TUBGCP6: variants seen among roughly 807,000 people sequenced by gnomAD.
TUBGCP6 encodes the protein tubulin gamma complex component 6.
TUBGCP6 carries 161 observed loss-of-function variants against 175.8 expected under a neutral mutation model. That is an observed-to-expected ratio of 0.92 (90% CI 0.81 to 1.04). The LOEUF (loss-of-function observed/expected upper bound fraction) is 1.04. Among genes scored for constraint, TUBGCP6 ranks in the 50% least tolerant of loss-of-function variants. The pLI, the probability that TUBGCP6 is intolerant of heterozygous loss-of-function variation, is 0.00. For missense variants in TUBGCP6, 2,572 were observed against 2,433.0 expected (o/e 1.06, Z -1.20); for synonymous variants, 1,173 against 1,030.5 (o/e 1.14, Z -2.65).
At chr22:50,237,469 A>G (rs1172094820) in intron 2 of TUBGCP6, among the ~76,000 whole-genome samples, 4 of 152,238 alleles carry the variant, frequency 2.6e-5, no homozygotes, top group Admixed American at 2.0e-4. Flanking sequence ...ATCAGGGAGT[A>G]GAGGGGCCCA....
Position 50,218,683 on chromosome 22 carries a change from C to T in TUBGCP6, c.4821+20G>A, listed in dbSNP as rs11912397. The T allele has an allele frequency of 0.14, 220,973 of 1,613,156 alleles. 16,152 individuals carry two copies. Among genetic ancestry groups the T allele is most frequent in the South Asian group, 0.21 (19,566 of 91,036 alleles). ...AGGCAGGCCCCTGTCCCATCCCCCG[C>T]GGCCAGGGCTGCTGCTGACCTTGTA... On this transcript the variant is annotated intron_variant, in intron 21 of 24. Coordinates refer to ENST00000248846, the MANE Select transcript of TUBGCP6 (RefSeq NM_020461.4).
At chr22:50,232,410 G>T in intron 3 of TUBGCP6, among the ~76,000 whole-genome samples, 1 of 150,944 alleles carries the variant, frequency 6.6e-6, no homozygotes, top group Non-Finnish European at 1.5e-5. Context: ...AGAAAAAAAT[G>T]AGCTGAGTGT....
chr22:50,218,952 C>G (rs148158491), intron 20 of TUBGCP6, 55 bp from the exon 21 acceptor site: 3 of 1,585,842 alleles, frequency 1.9e-6, no homozygotes, highest in African/African-American at 2.7e-5. Flanking sequence ...GCCTGGCACT[C>G]GCCGGCACCC....
At chr22:50,243,190 C>A (rs2064860919) in intron 1 of TUBGCP6, among the ~76,000 whole-genome samples, 1 of 152,172 alleles carries the variant, frequency 6.6e-6, no homozygotes. Flanking sequence ...TGGCTCACGC[C>A]TGTAATCCCA....
rs141419187 is a variant in TUBGCP6, at chr22:50,220,013, G to A, written c.4111C>T (p.Pro1371Ser). The stretch of plus-strand genomic sequence containing the variant: ...TCCTCAGTGTCCCCGCTCCTCCCAG[G>A]GCCTGTGTGGACACAAGTGGACACG... ...PGDSVSEELG[P>S]GRSGDTEDLS... The change falls in exon 17 of 25, where the codon CCT becomes TCT. Residue 1371 changes from proline to serine, a missense_variant and splice_region_variant. Coordinates refer to ENST00000248846, the MANE Select transcript of TUBGCP6 (RefSeq NM_020461.4). 6.8e-4 allele frequency: 1,101 copies of A among 1,613,482 alleles called. 3 individuals carry two copies. Among genetic ancestry groups the A allele is most frequent in the South Asian group, 1.0e-3 (92 of 90,990 alleles).
chr22:50,225,315 A>G, intron 10 of TUBGCP6, among the ~76,000 whole-genome samples: 1 of 151,930 alleles, frequency 6.6e-6, no homozygotes, highest in Non-Finnish European at 1.5e-5. Flanking sequence ...CACTGATTGT[A>G]CCACCGAGCC....
intron 2 of TUBGCP6, among the ~76,000 whole-genome samples, chr22:50,235,071 C>T (rs1388086632): frequency 4.6e-5 from 7 of 151,858 alleles, no homozygotes; most frequent in Admixed American, 4.6e-4. Context: ...GCAGTATCCA[C>T]ACCCCTGTCC....
At chr22:50,226,471 C>A in intron 7 of TUBGCP6, 93 bp from the exon 8 acceptor site, 1 of 1,204,876 alleles carries the variant, frequency 8.3e-7, no homozygotes, top group South Asian at 1.3e-5. Flanking sequence ...GCGTGGCTGT[C>A]AGTGAGGGGC....
intron 2 of TUBGCP6, among the ~76,000 whole-genome samples, chr22:50,234,201 CAGCAGCATCTACACCCA>C: frequency 6.7e-6 from 1 of 149,898 alleles, no homozygotes; most frequent in South Asian, 2.1e-4. Context: ...CGCCCGTCCA[CAGCAGCATCTACACCCA>C]GGTCCACAGC....
rs771365058 is a variant in TUBGCP6 at position 50,226,042 on chromosome 22, C to T, written c.1833+8G>A. The T allele has an allele frequency of 2.7e-5, 44 of 1,613,980 alleles. No individual in the cohort carries two copies. Among genetic ancestry groups the T allele is most frequent in the Admixed American group, 1.8e-4 (11 of 59,998 alleles). ...CCCTCTCTTCCCCACACATGAGCCC[C>T]TCCTCACCCGGGGGCAGCAGAGCTT... On this transcript the variant is annotated splice_region_variant and intron_variant, in intron 9 of 24. Transcript: ENST00000248846.
rs2064834304 is a variant in TUBGCP6, at chr22:50,241,172, G to GT, written c.742-806dup. On this transcript the variant is annotated intron_variant, in intron 1 of 24. Coordinates refer to ENST00000248846, the MANE Select transcript of TUBGCP6 (RefSeq NM_020461.4). The stretch of plus-strand genomic sequence containing the variant: ...TTATAATAATCTTCGCTCTACAATT[G>GT]TAACTTACGAGAAACCAGGCCATAC... Among the ~76,000 whole-genome samples, 5 of 152,174 alleles carry GT rather than the reference G, an allele frequency of 3.3e-5. No homozygotes were observed. In the South Asian group the frequency reaches 1.0e-3, roughly 32 times the overall value.
Position 50,222,066 on chromosome 22 carries a change from G to A in TUBGCP6, c.2446C>T (p.Gln816Ter). 3 of 1,613,842 alleles carry A rather than the reference G, an allele frequency of 1.9e-6. No individual in the cohort carries two copies. The East Asian group carries it at 6.7e-5, about 36-fold the overall frequency. The stretch of plus-strand genomic sequence containing the variant: ...CTCAAGAGGACGTCTGGCGGCTCCT[G>A]GGGCTGGTGAGCCTCAGACACTGCT... The part of the protein sequence containing the change: ...LKAVSEAHQP[Q>*]EPPDVLLSVH... Residue 816 changes from glutamine to a stop codon, truncating the protein, a stop_gained, in exon 15 of 25, where the codon CAG becomes TAG. Coordinates refer to ENST00000248846, the MANE Select transcript of TUBGCP6 (RefSeq NM_020461.4). LOFTEE classifies it high-confidence loss of function.
At chr22:50,238,888 G>A (rs2064808242) in intron 2 of TUBGCP6, among the ~76,000 whole-genome samples, 1 of 152,216 alleles carries the variant, frequency 6.6e-6, no homozygotes, top group African/African-American at 2.4e-5. Context: ...TGACACAGCA[G>A]GAAGGCCCTG....
At chr22:50,226,420 A>G (rs1569116597) in intron 7 of TUBGCP6, 42 bp from the exon 8 acceptor site, 1 of 1,483,158 alleles carries the variant, frequency 6.7e-7, no homozygotes, top group Admixed American at 2.0e-5. Flanking sequence ...GTCAACGGAG[A>G]GGTGGGTGGG....
Position 50,243,975 on chromosome 22 carries a change from G to A in TUBGCP6, c.485C>T (p.Ser162Phe). The change falls in exon 1 of 25, where the codon TCT becomes TTT. Residue 162 changes from serine (S) to phenylalanine (F), a missense_variant. Transcript: ENST00000248846. ...DLSVFEMDVQ[S>F]LISREECLCH... ...CAAACACTCTTCTCTGGAGATCAGAGACTGAACGTCCATCTCAAACACACT... is the reference window on the plus strand; with the variant it reads ...CAAACACTCTTCTCTGGAGATCAGAAACTGAACGTCCATCTCAAACACACT... 6.2e-7 allele frequency: 1 copy of A among 1,614,148 alleles called. No homozygotes were observed. Among genetic ancestry groups the A allele is most frequent in the Non-Finnish European group, 8.5e-7 (1 of 1,180,040 alleles).
rs1048616677 is a variant in TUBGCP6 at position 50,227,871 on chromosome 22, CAA to C, written c.1412+34_1412+35del. The C allele has an allele frequency of 8.3e-6, 13 of 1,561,334 alleles. No homozygotes were observed. In the African/African-American group the frequency reaches 1.8e-4, roughly 21 times the overall value. On this transcript the variant is annotated intron_variant, in intron 5 of 24. Coordinates refer to ENST00000248846, the MANE Select transcript of TUBGCP6 (RefSeq NM_020461.4). ...CCCAGCAAGCCCCACACCGCTCCCGCAAAGTCCCCTGCTCAGCCGCCATGCTG... is the reference window on the plus strand; with the variant it reads ...CCCAGCAAGCCCCACACCGCTCCCGCAGTCCCCTGCTCAGCCGCCATGCTG...
Position 50,234,899 on chromosome 22 carries a change from CCT to C in TUBGCP6, c.906-1375_906-1374del, listed in dbSNP as rs111742858. ...CACCCATGGCAGCATCATCCACACC[CCT>C]GTCCACAGCAGCATCCACACCCAGG... On this transcript the variant is annotated intron_variant, in intron 2 of 24. Transcript: ENST00000248846. Among the ~76,000 whole-genome samples, 1,161 of 148,666 alleles carry C rather than the reference CCT, an allele frequency of 7.8e-3. 12 individuals carry two copies. The highest frequency in any genetic ancestry group is 0.028 in the African/African-American group (1,108 of 39,994).
chr22:50,219,698 C>T lies in TUBGCP6; in HGVS notation c.4261G>A (p.Gly1421Ser). 1.2e-6 allele frequency: 2 copies of T among 1,613,760 alleles called. No individual in the cohort carries two copies. The highest frequency in any genetic ancestry group is 8.5e-7 in the Non-Finnish European group (1 of 1,179,966). ...AQGGEQAYLA[G>S]LAGQYHLERY... ...TCCAAGTGGTACTGCCCTGCCAGGC[C>T]TGCCAGGTAGGCCTGCTCCCCACCC... The change falls in exon 18 of 25, where the codon GGC becomes AGC. Residue 1421 changes from glycine to serine, a missense_variant. Physicochemically the swap from Gly to Ser is moderately conservative, Grantham distance 56. Coordinates refer to ENST00000248846, the MANE Select transcript of TUBGCP6 (RefSeq NM_020461.4).
chr22:50,243,897 G>A lies in TUBGCP6; in HGVS notation c.563C>T (p.Thr188Ile). 1.9e-6 allele frequency: 3 copies of A among 1,613,988 alleles called. No individual in the cohort carries two copies. Among genetic ancestry groups the A allele is most frequent in the Non-Finnish European group, 2.5e-6 (3 of 1,180,044 alleles). Residue 188 changes from threonine (T) to isoleucine (I), a missense_variant, in exon 1 of 25, where the codon ACT becomes ATT. Thr to Ile is a moderately conservative substitution (Grantham distance 89). Coordinates refer to ENST00000248846, the MANE Select transcript of TUBGCP6 (RefSeq NM_020461.4). Reference protein sequence around the residue: ...TLQVMEAAPGTGLPTVGLFSF... With the variant: ...TLQVMEAAPGIGLPTVGLFSF... ...GAAGAGCCCGACGGTGGGCAGGCCA[G>A]TGCCTGGAGCAGCCTCCATAACCTG...
Sources: gnomAD v4.1 joint callset for allele counts (sites outside exome capture counted in the v4.1 genomes callset) on GRCh38, gnomAD v4.1.1 for gene constraint, MANE v1.5 for transcripts, NCBI Gene and HGNC (gene_info 2026-07-23, HGNC 2026-07-21) for gene names.